The following FAM186A variants were observed in gnomAD, a reference collection of about 807,000 sequenced individuals.
FAM186A encodes family with sequence similarity 186 member A, also known as protein FAM186A.
A neutral mutation model predicts 216.8 loss-of-function variants in FAM186A; 163 were observed. The observed-to-expected ratio is 0.75, with a 90% CI of 0.66 to 0.86. The LOEUF (loss-of-function observed/expected upper bound fraction) is 0.86. Ranked by LOEUF, FAM186A falls within the 40% of genes least tolerant of loss-of-function variation. FAM186A has a pLI of 0.00. For missense variants in FAM186A, 2,184 were observed against 2,746.2 expected, an observed-to-expected ratio of 0.80 and a Z score of 4.58; for synonymous variants, 805 against 1,025.3, an observed-to-expected ratio of 0.79 and a Z score of 4.10.
At chr12:50,345,100 A>G (rs1269798370) in intron 4 of FAM186A, among the ~76,000 whole-genome samples, 2 of 152,190 alleles carry the variant, frequency 1.3e-5, no homozygotes, top group East Asian at 3.8e-4. Flanking sequence ...AAAAATACAA[A>G]AATTAGCCAG....
At chr12:50,359,466 T>C (rs943716423) in intron 3 of FAM186A, among the ~76,000 whole-genome samples, 1 of 152,160 alleles carries the variant, frequency 6.6e-6, no homozygotes, top group African/African-American at 2.4e-5. Flanking sequence ...TGTACATTGC[T>C]GATGAGAGTG....
chr12:50,389,793 C>T (rs763507769), intron 1 of FAM186A, among the ~76,000 whole-genome samples: 5 of 152,194 alleles, frequency 3.3e-5, no homozygotes, highest in Non-Finnish European at 5.9e-5. Flanking sequence ...AATCCACTGT[C>T]GTTCTCCAAA....
At chr12:50,386,963 T>C (rs1943310482) in intron 1 of FAM186A, among the ~76,000 whole-genome samples, 1 of 152,130 alleles carries the variant, frequency 6.6e-6, no homozygotes, top group Non-Finnish European at 1.5e-5. Context: ...TCTATTTTTT[T>C]CTATTCAGCA....
Position 50,353,848 on chromosome 12 carries a change from G to A in FAM186A, c.2984C>T (p.Pro995Leu). 1 of 1,551,646 alleles carries A rather than the reference G, an allele frequency of 6.4e-7. No homozygotes were observed. The highest frequency in any genetic ancestry group is 8.7e-7 in the Non-Finnish European group (1 of 1,146,986). ...KDQMQMKETQ[P>L]KELEKMVIQT... ...GATGACCATTTTTTCTAGCTCTTTA[G>A]GTTGTGTTTCCTTCATCTGCATCTG... is the stretch of plus-strand genomic sequence containing the variant. The change falls in exon 4 of 8, where the codon CCT becomes CTT. Residue 995 changes from proline (P) to leucine (L), a missense_variant. By Grantham distance (98) the Pro-to-Leu change is moderately conservative. This residue lies in a region of FAM186A where 1,132 missense variants were observed against 1,263.4 expected (regional missense o/e 0.90). Transcript: ENST00000327337.
At chr12:50,375,224 C>T (rs1943185556) in intron 1 of FAM186A, among the ~76,000 whole-genome samples, 1 of 151,502 alleles carries the variant, frequency 6.6e-6, no homozygotes, top group Non-Finnish European at 1.5e-5. Context: ...AACCAAAAAC[C>T]ATTTATTTAC....
At chr12:50,335,623 AAC>A (rs1942700099) in intron 4 of FAM186A, among the ~76,000 whole-genome samples, 1 of 151,312 alleles carries the variant, frequency 6.6e-6, no homozygotes, top group Non-Finnish European at 1.5e-5. Flanking sequence ...CAGCCTGGGC[AAC>A]AGAGTGTGAG....
chr12:50,348,099 C>CA (rs1942838964), intron 4 of FAM186A, among the ~76,000 whole-genome samples: 1 of 133,578 alleles, frequency 7.5e-6, no homozygotes. Flanking sequence ...GGCTGGAGTG[C>CA]AATGGCGCAA....
intron 1 of FAM186A, among the ~76,000 whole-genome samples, chr12:50,368,831 A>G (rs1943114463): frequency 6.6e-6 from 1 of 152,136 alleles, no homozygotes; most frequent in African/African-American, 2.4e-5. Context: ...ATATAACCTG[A>G]TGGAATAGAA....
chr12:50,353,876 C>A lies in FAM186A; in HGVS notation c.2956G>T (p.Asp986Tyr), dbSNP rs763385234. 5 of 1,551,732 alleles carry A rather than the reference C, an allele frequency of 3.2e-6. No homozygotes were observed. The change falls in exon 4 of 8, where the codon GAT (aspartate) becomes TAT (tyrosine). Residue 986 changes from aspartate to tyrosine, a missense_variant. Around this residue, in one of 7 missense-constraint regions of FAM186A, gnomAD observed 1,132 missense variants for 1,263.4 expected, o/e 0.90. Transcript: ENST00000327337. ...EDLERQIKTK[D>Y]QMQMKETQPK... is the part of the protein sequence containing the mutation. Reference sequence around the variant, plus strand: ...TGTGTTTCCTTCATCTGCATCTGATCCTTTGTTTTGATCTGCCTTTCGAGG... The same window carrying A: ...TGTGTTTCCTTCATCTGCATCTGATACTTTGTTTTGATCTGCCTTTCGAGG...
In FAM186A at chr12:50,360,893, A is replaced by G; in HGVS notation, c.446T>C (p.Val149Ala). ...TGCTATCCAGTGGTGGTGTTCATCA[A>G]CATCCATTAGAGTCATCTCAGACAA... is the stretch of plus-strand genomic sequence containing the variant. ...DVLSEMTLMD[V>A]DEHHHWIAQM... Residue 149 changes from valine to alanine, a missense_variant, in exon 3 of 8, where the codon GTT becomes GCT. Val to Ala is a moderately conservative substitution (Grantham distance 64). Coordinates refer to ENST00000327337, the MANE Select transcript of FAM186A (RefSeq NM_001145475.3). The G allele has an allele frequency of 6.5e-7, 1 of 1,549,468 alleles. No individual in the cohort carries two copies. The highest frequency in any genetic ancestry group is 8.7e-7 in the Non-Finnish European group (1 of 1,146,446).
Position 50,396,373 on chromosome 12 carries a change from G to T in FAM186A, c.112C>A (p.Leu38Ile), listed in dbSNP as rs1282658786. The change falls in exon 1 of 8, where the codon CTC becomes ATC. Residue 38 changes from leucine (L) to isoleucine (I), a missense_variant. Leu to Ile is a conservative substitution (Grantham distance 5). Coordinates refer to ENST00000327337, the MANE Select transcript of FAM186A (RefSeq NM_001145475.3). Reference sequence around the variant, plus strand: ...GAGAATGGGATCTCAAGGTTAGGGAGCATCAAAGGACTAAGGATATTTTGG... The same window carrying T: ...GAGAATGGGATCTCAAGGTTAGGGATCATCAAAGGACTAAGGATATTTTGG... ...EPQNILSPLM[L>I]PNLEIPFSVK... 5 of 1,551,516 alleles carry T rather than the reference G, an allele frequency of 3.2e-6. No individual in the cohort carries two copies. Among genetic ancestry groups the T allele is most frequent in the Admixed American group, 3.9e-5 (2 of 50,950 alleles).
intron 1 of FAM186A, among the ~76,000 whole-genome samples, chr12:50,394,732 CTTTTTTTTTTTTTTTTT>C (rs71083561): frequency 3.4e-5 from 1 of 29,384 alleles, no homozygotes; most frequent in Non-Finnish European, 5.6e-5. Context: ...GGCTAACACT[CTTTTTTTTTTTTTTTTT>C]TTTTTTTTTT....
At chr12:50,332,138 A>C (rs1942662553) in intron 5 of FAM186A, among the ~76,000 whole-genome samples, 1 of 152,234 alleles carries the variant, frequency 6.6e-6, no homozygotes, top group African/African-American at 2.4e-5. Context: ...GGGTTGTGAG[A>C]ATTGTAAAAC....
intron 1 of FAM186A, among the ~76,000 whole-genome samples, chr12:50,371,407 G>A (rs1241007878): frequency 2.0e-5 from 3 of 152,000 alleles, no homozygotes; most frequent in Admixed American, 6.6e-5. Flanking sequence ...GTGAGCCACC[G>A]TGCCCGGCCA....
chr12:50,373,050 AGAAAG>A (rs1943162575), intron 1 of FAM186A, among the ~76,000 whole-genome samples: 1 of 150,400 alleles, frequency 6.6e-6, no homozygotes, highest in Non-Finnish European at 1.5e-5. Flanking sequence ...AAAGAAAGAA[AGAAAG>A]AAAGAAAGAA....
chr12:50,339,082 A>G (rs1345023408), intron 4 of FAM186A, among the ~76,000 whole-genome samples: 1 of 150,772 alleles, frequency 6.6e-6, no homozygotes, highest in Non-Finnish European at 1.5e-5. Flanking sequence ...TGGTGCATCC[A>G]TGGCTCACTG....
At chr12:50,370,928 G>A (rs12422417) in intron 1 of FAM186A, among the ~76,000 whole-genome samples, 96,408 of 151,072 alleles carry the variant, frequency 0.64, 31,359 homozygotes, top group East Asian at 0.74. Flanking sequence ...GAAACCTCAC[G>A]TTGCACTAAA....
chr12:50,393,459 T>C (rs78324105), intron 1 of FAM186A, among the ~76,000 whole-genome samples: 1 of 151,840 alleles, frequency 6.6e-6, no homozygotes, highest in African/African-American at 2.4e-5. Flanking sequence ...GGAGAATTGC[T>C]TGAGCCTGGG....
chr12:50,379,070 C>T (rs1190989452), intron 1 of FAM186A, among the ~76,000 whole-genome samples: 3 of 152,028 alleles, frequency 2.0e-5, no homozygotes, highest in Admixed American at 6.6e-5. Flanking sequence ...TTTGAGAGGC[C>T]GAGGCAGGCA....
Sources: gnomAD v4.1 joint callset for allele counts (sites outside exome capture counted in the v4.1 genomes callset) on GRCh38, gnomAD v4.1.1 for gene constraint, gnomAD v4.1.1 regional missense constraint, MANE v1.5 for transcripts, NCBI Gene and HGNC (gene_info 2026-07-23, HGNC 2026-07-21) for gene names.